Variants in MAP4 observed in about 807,000 individuals in gnomAD.
MAP4 encodes microtubule associated protein 4.
Under a neutral mutation model 170.2 loss-of-function variants are expected in MAP4, and 76 were observed. The ratio of observed to expected loss-of-function variants is 0.45; its 90% CI spans 0.37 to 0.54. MAP4 has a LOEUF of 0.54. Among genes scored for constraint, MAP4 ranks in the 20% least tolerant of loss-of-function variants. The pLI, the probability that MAP4 is intolerant of heterozygous loss-of-function variation, is 0.00. For synonymous variants in MAP4, 909 were observed against 994.5 expected (o/e 0.91, Z 1.62); for missense variants, 2,506 against 2,748.0 (o/e 0.91, Z 1.97).
chr3:47,924,076 G>A (rs535165407), intron 4 of MAP4, among the ~76,000 whole-genome samples: 1 of 152,246 alleles, frequency 6.6e-6, no homozygotes, highest in South Asian at 2.1e-4. Flanking sequence ...ACAGAGTTCT[G>A]TCATTTAGTC....
At chr3:47,890,788 C>T (rs1445887589) in intron 10 of MAP4, among the ~76,000 whole-genome samples, 3 of 152,168 alleles carry the variant, frequency 2.0e-5, no homozygotes, top group Non-Finnish European at 4.4e-5. Flanking sequence ...CTTGCACACT[C>T]AATTCACATT....
intron 1 of MAP4, among the ~76,000 whole-genome samples, chr3:48,034,630 G>A (rs112555622): frequency 0.012 from 1,885 of 152,180 alleles, 43 homozygotes; most frequent in African/African-American, 0.043. Flanking sequence ...CTTGAACCTG[G>A]AGGGGGAGGT....
chr3:48,044,977 C>G (rs1370894553), intron 1 of MAP4, among the ~76,000 whole-genome samples: 1 of 150,376 alleles, frequency 6.6e-6, no homozygotes. Flanking sequence ...TTTGTTGAGG[C>G]CAGGCACAGT....
upstream of MAP4, among the ~76,000 whole-genome samples, chr3:48,020,636 G>C (rs1207027929): frequency 2.0e-5 from 3 of 152,068 alleles, no homozygotes; most frequent in African/African-American, 7.2e-5. Context: ...AAAAGTTGAA[G>C]AGATCTTTCA....
chr3:48,028,074 C>T, intron 1 of MAP4, among the ~76,000 whole-genome samples: 1 of 151,862 alleles, frequency 6.6e-6, no homozygotes. Flanking sequence ...GGCAGATCAC[C>T]TGAGGCCAGG....
At chr3:48,011,864 G>C (rs2100105456) in intron 1 of MAP4, among the ~76,000 whole-genome samples, 1 of 152,152 alleles carries the variant, frequency 6.6e-6, no homozygotes, top group Admixed American at 6.5e-5. Flanking sequence ...TTTGGGAGCT[G>C]TTATGAACCA....
chr3:47,964,303 A>G (rs763752931), intron 3 of MAP4, among the ~76,000 whole-genome samples: 82 of 152,200 alleles, frequency 5.4e-4, no homozygotes, highest in Non-Finnish European at 1.1e-3. Context: ...AAGGTTAATG[A>G]TGGTGGTCCA....
At chr3:48,008,632 A>G (rs2100103684) in intron 1 of MAP4, among the ~76,000 whole-genome samples, 1 of 152,210 alleles carries the variant, frequency 6.6e-6, no homozygotes, top group Non-Finnish European at 1.5e-5. Context: ...GGTCAAAGAC[A>G]AGATATTTGT....
At chr3:47,942,892 C>T (rs2100057384) in intron 3 of MAP4, among the ~76,000 whole-genome samples, 1 of 152,096 alleles carries the variant, frequency 6.6e-6, no homozygotes, top group African/African-American at 2.4e-5. Flanking sequence ...GGAGGATCGC[C>T]TGAGCCCAGG....
intron 16 of MAP4, among the ~76,000 whole-genome samples, chr3:47,868,870 C>T (rs999366026): frequency 2.0e-5 from 3 of 152,156 alleles, no homozygotes; most frequent in African/African-American, 4.8e-5. Flanking sequence ...TTCTTGATAA[C>T]GAATGTGGGT....
At chr3:48,049,315 A>G (rs1192878614) in intron 1 of MAP4, among the ~76,000 whole-genome samples, 1 of 152,218 alleles carries the variant, frequency 6.6e-6, no homozygotes, top group Non-Finnish European at 1.5e-5. Context: ...TAGTATGGTA[A>G]GTACATGTTT....
At chr3:47,877,961 T>C (rs952512444) in intron 10 of MAP4, among the ~76,000 whole-genome samples, 5 of 152,290 alleles carry the variant, frequency 3.3e-5, no homozygotes, top group African/African-American at 1.2e-4. Context: ...TTCCTTCCTT[T>C]CCCTATAAAG....
At chr3:47,951,226 G>A (rs1050229960) in intron 3 of MAP4, among the ~76,000 whole-genome samples, 1 of 152,158 alleles carries the variant, frequency 6.6e-6, no homozygotes, top group East Asian at 1.9e-4. Context: ...CTGCACATCT[G>A]TAGTAAAATG....
At chr3:48,022,003 A>T (rs892314702) in intron 1 of MAP4, among the ~76,000 whole-genome samples, 11 of 152,190 alleles carry the variant, frequency 7.2e-5, no homozygotes, top group Non-Finnish European at 5.9e-5. Context: ...ACAAAACAAA[A>T]CAAGAGGCCA....
chr3:48,080,297 G>T (rs577721095), intron 1 of MAP4, among the ~76,000 whole-genome samples: 4 of 152,238 alleles, frequency 2.6e-5, no homozygotes, highest in African/African-American at 7.2e-5. Flanking sequence ...ATAGAGAACT[G>T]GAGGAATCAC....
At chr3:48,046,967 G>A (rs927241714) in intron 1 of MAP4, among the ~76,000 whole-genome samples, 12 of 151,900 alleles carry the variant, frequency 7.9e-5, no homozygotes, top group East Asian at 5.8e-4. Context: ...GGTGGCAGGC[G>A]CCTGTAGTCC....
chr3:47,937,070 T>A, intron 3 of MAP4, among the ~76,000 whole-genome samples: 1 of 151,860 alleles, frequency 6.6e-6, no homozygotes, highest in Non-Finnish European at 1.5e-5. Flanking sequence ...GGGTGTGACC[T>A]TAAGACTGTT....
In MAP4 at chr3:47,892,671, G is replaced by A. The variant is rs545670921; in HGVS notation, c.5434+10279C>T. On this transcript the variant is annotated intron_variant, in intron 10 of 20. Transcript: ENST00000683076. ...ATTAAATGCACTTACAAATGTGAAA[G>A]AAAGAAAGAAAGGAAGAATGAATGA... 18 of 1,371,260 alleles carry A rather than the reference G, an allele frequency of 1.3e-5. No homozygotes were observed. In the South Asian group the frequency reaches 2.5e-4, roughly 19 times the overall value. 84.9% of individuals were successfully genotyped at this position (1,371,260 alleles called of 1,614,324 possible). A position where few individuals can be genotyped will look rare whatever the true frequency, so the allele number is the denominator to read the frequency against.
At chr3:47,945,455 A>C (rs2100059185) in intron 3 of MAP4, among the ~76,000 whole-genome samples, 2 of 151,998 alleles carry the variant, frequency 1.3e-5, no homozygotes, top group Non-Finnish European at 2.9e-5. Flanking sequence ...CTTTGAGAAC[A>C]AGGACTGTGT....
Sources: gnomAD v4.1 joint callset for allele counts (sites outside exome capture counted in the v4.1 genomes callset) on GRCh38, gnomAD v4.1.1 for gene constraint, MANE v1.5 for transcripts, NCBI Gene and HGNC (gene_info 2026-07-23, HGNC 2026-07-21) for gene names.